Variants in NTNG2 observed in about 807,000 individuals in gnomAD.
NTNG2 encodes netrin G2.
A neutral mutation model predicts 47.6 loss-of-function variants in NTNG2; 15 were observed. That is an observed-to-expected ratio of 0.32 (90% CI 0.21 to 0.49). NTNG2 has a LOEUF of 0.49. NTNG2 is among the 20% of genes least tolerant of loss of function. NTNG2 has a pLI of 0.99. For synonymous variants in NTNG2, 307 were observed against 324.6 expected, an observed-to-expected ratio of 0.95 and a Z score of 0.58; for missense variants, 578 against 764.6, an observed-to-expected ratio of 0.76 and a Z score of 2.88.
chr9:132,231,138 A>G lies in NTNG2; in HGVS notation c.1054+543A>G, dbSNP rs1253292109. On this transcript the variant is annotated intron_variant, in intron 5 of 7. Transcript: ENST00000393229. The surrounding 1 kb of genome is among the most constrained non-coding windows in gnomAD (Gnocchi z 4.1). ...GCTCGTCCAGGTCAGCTCAGGTCCC[A>G]GGGGAGTCGGACCAGGGAGGGGCAT... Among the ~76,000 whole-genome samples, 2 of 152,082 alleles carry G rather than the reference A, an allele frequency of 1.3e-5. No individual in the cohort carries two copies. The highest frequency in any genetic ancestry group is 2.9e-5 in the Non-Finnish European group (2 of 67,992).
chr9:132,169,025 T>C (rs1320640460), intron 2 of NTNG2, among the ~76,000 whole-genome samples: 1 of 151,586 alleles, frequency 6.6e-6, no homozygotes, highest in African/African-American at 2.4e-5. Flanking sequence ...TCTGGGGAGG[T>C]GGTCACCCCT....
rs764857818 is a variant in NTNG2 at position 132,198,301 on chromosome 9, C to T, written c.549C>T (p.Arg183=). ...TCGGTATGTCCGCCCGCCGGGCCCGCGACATGTCATCCTCCAGCGCGCACC... is the reference window on the plus strand; with the variant it reads ...TCGGTATGTCCGCCCGCCGGGCCCGTGACATGTCATCCTCCAGCGCGCACC... ...EAFGMSARRA[R]DMSSSSAHRV... is the part of the protein sequence containing the mutation. The change falls in exon 3 of 8, where the codon CGC becomes CGT. Residue 183 remains arginine, a synonymous_variant. Coordinates refer to ENST00000393229, the MANE Select transcript of NTNG2 (RefSeq NM_032536.4). 14 of 1,612,840 alleles carry T rather than the reference C, an allele frequency of 8.7e-6. No individual in the cohort carries two copies. The highest frequency in any genetic ancestry group is 7.7e-5 in the South Asian group (7 of 91,068).
intron 3 of NTNG2, among the ~76,000 whole-genome samples, chr9:132,210,449 C>T (rs114147935): frequency 2.7e-3 from 404 of 152,274 alleles, no homozygotes; most frequent in African/African-American, 9.4e-3. Context: ...CAGCTCTGTC[C>T]TCTGTCCCTT....
intron 2 of NTNG2, among the ~76,000 whole-genome samples, chr9:132,188,496 C>A (rs967063052): frequency 6.6e-6 from 1 of 152,242 alleles, no homozygotes; most frequent in African/African-American, 2.4e-5. Context: ...TGCCGAGCCG[C>A]ATGACCCTGC....
In NTNG2 at chr9:132,231,605, C is replaced by A. The variant is rs2854930; in HGVS notation, c.1054+1010C>A. 2.4e-5 allele frequency: 7 copies of A among 297,324 alleles called. No homozygotes were observed. The highest frequency in any genetic ancestry group is 4.0e-5 in the Non-Finnish European group (6 of 150,994). The allele number at this position is 297,324 out of a possible 1,614,324, so 18.4% of individuals were successfully genotyped here. On this transcript the variant is annotated intron_variant, in intron 5 of 7. Coordinates refer to ENST00000393229, the MANE Select transcript of NTNG2 (RefSeq NM_032536.4). This position sits in a 1 kb window ranked among gnomAD's most constrained non-coding sequence, Gnocchi z 4.1. ...CTCTGTGGTGTCCCCACCCCGGCAACCCCCCAACCCTCTCTTGCTTTTCCC... is the reference window on the plus strand; with the variant it reads ...CTCTGTGGTGTCCCCACCCCGGCAAACCCCCAACCCTCTCTTGCTTTTCCC...
chr9:132,242,941 T>C lies in NTNG2; in HGVS notation c.*830T>C, dbSNP rs1842071441. 1 of 152,218 alleles carries C rather than the reference T, an allele frequency of 6.6e-6. No individual in the cohort carries two copies. The highest frequency in any genetic ancestry group is 6.5e-5 in the Admixed American group (1 of 15,280). The allele number at this position is 152,218 out of a possible 1,614,324, so 9.4% of individuals were successfully genotyped here. ...AACGGTTTCCCTACTGGGGCCACCA[T>C]TTCCCTGGGCCTTTCTGTGGATTCC... On this transcript the variant is annotated 3_prime_UTR_variant, in exon 8 of 8. Coordinates refer to ENST00000393229, the MANE Select transcript of NTNG2 (RefSeq NM_032536.4). This position sits in a 1 kb window ranked among gnomAD's most constrained non-coding sequence, Gnocchi z 5.9.
intron 2 of NTNG2, among the ~76,000 whole-genome samples, chr9:132,168,317 T>C (rs1835645913): frequency 6.6e-6 from 1 of 152,142 alleles, no homozygotes; most frequent in South Asian, 2.1e-4. Flanking sequence ...CTTGATGCCA[T>C]CCCCCAGGCA....
At chr9:132,201,930 A>G (rs148116300) in intron 3 of NTNG2, among the ~76,000 whole-genome samples, 8 of 152,256 alleles carry the variant, frequency 5.3e-5, no homozygotes, top group African/African-American at 1.9e-4. Flanking sequence ...TGAAGAAGCC[A>G]AGGACTCTGA....
At chr9:132,173,800 G>C (rs558659845) in intron 2 of NTNG2, among the ~76,000 whole-genome samples, 1 of 150,806 alleles carries the variant, frequency 6.6e-6, no homozygotes, top group Non-Finnish European at 1.5e-5. Context: ...CTGCGGATGA[G>C]ACGGACGGAC....
intron 2 of NTNG2, among the ~76,000 whole-genome samples, chr9:132,174,017 CGGAT>C (rs1836171820): frequency 2.1e-5 from 3 of 145,352 alleles, no homozygotes; most frequent in African/African-American, 2.6e-5. Flanking sequence ...ATGAGACGGA[CGGAT>C]GGACGGACAG....
chr9:132,161,909 G>T (rs957266293), upstream of NTNG2: 10 of 150,924 alleles, frequency 6.6e-5, no homozygotes, highest in Non-Finnish European at 1.3e-4. This position sits in a 1 kb window ranked among gnomAD's most constrained non-coding sequence, Gnocchi z 7.2. Context: ...GGCCGCCCAG[G>T]GGGGCCAAAA....
intron 2 of NTNG2, among the ~76,000 whole-genome samples, chr9:132,172,964 C>T (rs550804784): frequency 1.3e-5 from 2 of 151,992 alleles, no homozygotes; most frequent in African/African-American, 2.4e-5. Context: ...CTCCTGACCT[C>T]GTGATCCACC....
At chr9:132,181,976 G>C (rs979121064) in intron 2 of NTNG2, among the ~76,000 whole-genome samples, 5 of 152,156 alleles carry the variant, frequency 3.3e-5, no homozygotes, top group Non-Finnish European at 7.3e-5. Context: ...GTGTGTGTGC[G>C]TGCGTGCAGC....
rs1358813651 is a variant in NTNG2, at chr9:132,231,050, A to T, written c.1054+455A>T. 6.6e-6 allele frequency among the ~76,000 whole-genome samples: 1 copy of T among 152,044 alleles called. No homozygotes were observed. The highest frequency in any genetic ancestry group is 2.4e-5 in the African/African-American group (1 of 41,412). On this transcript the variant is annotated intron_variant, in intron 5 of 7. Transcript: ENST00000393229. The surrounding 1 kb of genome is among the most constrained non-coding windows in gnomAD (Gnocchi z 4.1). ...CCACCAGGGGCAGAATCCACCCCCT[A>T]GCCTAACCATGGGGGCAGCCTCCCT...
intron 2 of NTNG2, among the ~76,000 whole-genome samples, chr9:132,179,796 G>C (rs769999122): frequency 4.1e-4 from 62 of 152,330 alleles, no homozygotes; most frequent in Middle Eastern, 6.8e-3. Context: ...AACTAGGATC[G>C]GTCTCCAGGG....
rs1193599303 is a variant in NTNG2 at position 132,163,431 on chromosome 9, G to A, written c.-484+1192G>A. Among the ~76,000 whole-genome samples, 3 of 151,916 alleles carry A rather than the reference G, an allele frequency of 2.0e-5. No individual in the cohort carries two copies. Among genetic ancestry groups the A allele is most frequent in the Non-Finnish European group, 4.4e-5 (3 of 67,848 alleles). On this transcript the variant is annotated intron_variant, in intron 1 of 7. Transcript: ENST00000393229. The surrounding 1 kb of genome is among the most constrained non-coding windows in gnomAD (Gnocchi z 7.2). ...GAGCGGGGGGACACCCGGGCCGCCG[G>A]AATTAAGAGGCCCGCCGAGGCTACA...
At chr9:132,219,979 T>C (rs968074957) in intron 3 of NTNG2, among the ~76,000 whole-genome samples, 4 of 152,240 alleles carry the variant, frequency 2.6e-5, no homozygotes, top group African/African-American at 9.6e-5. Flanking sequence ...GGGTTCTGAT[T>C]TCTCTGCATC....
chr9:132,215,173 C>T lies in NTNG2; in HGVS notation c.858-11676C>T, dbSNP rs7038719. The stretch of plus-strand genomic sequence containing the variant: ...GGCCTCCCAGAGTGCCCAGATTACA[C>T]GCATGAGCCACTGCACCAGGCCTAA... On this transcript the variant is annotated intron_variant, in intron 3 of 7. Transcript: ENST00000393229. This position sits in a 1 kb window ranked among gnomAD's most constrained non-coding sequence, Gnocchi z 4.2. 9.2e-5 allele frequency among the ~76,000 whole-genome samples: 14 copies of T among 151,878 alleles called. 1 individual carries two copies. The South Asian group carries it at 1.5e-3, about 16-fold the overall frequency.
Position 132,242,256 on chromosome 9 carries a change from G to C in NTNG2, c.*145G>C, listed in dbSNP as rs1589578181. ...CTCAGCAGGGCCCCCCGCCCGGCCC[G>C]CGCTCCCGCCCGCACTGCCCTCCCC... is the stretch of plus-strand genomic sequence containing the variant. On this transcript the variant is annotated 3_prime_UTR_variant, in exon 8 of 8. Transcript: ENST00000393229. This position sits in a 1 kb window ranked among gnomAD's most constrained non-coding sequence, Gnocchi z 5.9. The C allele has an allele frequency of 4.3e-6, 1 of 232,420 alleles. No homozygotes were observed. The highest frequency in any genetic ancestry group is 6.0e-5 in the Admixed American group (1 of 16,630). 14.4% of individuals were successfully genotyped at this position (232,420 alleles called of 1,614,324 possible). A position where few individuals can be genotyped will look rare whatever the true frequency, so the allele number is the denominator to read the frequency against.
Sources: gnomAD v4.1 joint callset for allele counts (sites outside exome capture counted in the v4.1 genomes callset) on GRCh38, gnomAD v4.1.1 for gene constraint, Gnocchi (gnomAD v3.1) non-coding constraint, MANE v1.5 for transcripts, NCBI Gene and HGNC (gene_info 2026-07-23, HGNC 2026-07-21) for gene names.